The following MMRN1 variants were observed in gnomAD, a reference collection of about 807,000 sequenced individuals.
The protein encoded by MMRN1 is multimerin-1.
A neutral mutation model predicts 100.7 loss-of-function variants in MMRN1; 94 were observed. The ratio of observed to expected loss-of-function variants is 0.93; its 90% CI spans 0.79 to 1.11. MMRN1 has a LOEUF of 1.11. Among genes scored for constraint, MMRN1 ranks in the 50% least tolerant of loss-of-function variants. The probability of loss-of-function intolerance (pLI) is 0.00; values close to 1 mark genes in which losing one functional copy is unlikely to be tolerated. For missense variants in MMRN1, 1,606 were observed against 1,439.1 expected (o/e 1.12, Z -1.88); for synonymous variants, 575 against 505.0 (o/e 1.14, Z -1.86).
At chr4:89,940,384 A>T (rs141833379) in intron 6 of MMRN1, among the ~76,000 whole-genome samples, 171 of 152,268 alleles carry the variant, frequency 1.1e-3, no homozygotes, top group Middle Eastern at 0.01. Flanking sequence ...CCCAAGAAAG[A>T]TTACTTTCTA....
chr4:89,929,439 C>T (rs957597716), intron 5 of MMRN1, among the ~76,000 whole-genome samples: 5 of 152,046 alleles, frequency 3.3e-5, no homozygotes, highest in African/African-American at 1.2e-4. Context: ...TATGGCCCAA[C>T]CTTACCAATG....
chr4:89,892,156 G>A (rs1721068879), upstream of MMRN1, among the ~76,000 whole-genome samples: 1 of 151,240 alleles, frequency 6.6e-6, no homozygotes, highest in Admixed American at 6.6e-5. Flanking sequence ...CTATGTTTAT[G>A]ATACAATGAA....
intron 1 of MMRN1, among the ~76,000 whole-genome samples, chr4:89,908,171 T>C (rs1016113753): frequency 6.6e-6 from 1 of 151,332 alleles, no homozygotes; most frequent in Admixed American, 6.6e-5. Context: ...TGAAAATTGT[T>C]CCCAGGCACA....
chr4:89,932,697 G>A (rs1722480582), intron 5 of MMRN1, among the ~76,000 whole-genome samples: 1 of 152,124 alleles, frequency 6.6e-6, no homozygotes, highest in African/African-American at 2.4e-5. Flanking sequence ...CTATACATTG[G>A]TCCCTTTTAG....
chr4:89,936,698 A>T lies in MMRN1; in HGVS notation c.3018A>T (p.Ser1006=). 1 of 1,613,226 alleles carries T rather than the reference A, an allele frequency of 6.2e-7. No homozygotes were observed. Among genetic ancestry groups the T allele is most frequent in the South Asian group, 1.1e-5 (1 of 91,056 alleles). Residue 1006 remains serine, a synonymous_variant, in exon 6 of 8, where the codon TCA becomes TCT. Coordinates refer to ENST00000264790, the MANE Select transcript of MMRN1 (RefSeq NM_007351.3). ...TCAAGTCTCAGAAGCAAGTAAAATC[A>T]TTGCCAAAGAAAATTAACGCACTTA... is the stretch of plus-strand genomic sequence containing the variant. ...NVVKSQKQVK[S]LPKKINALKK...
intron 1 of MMRN1, among the ~76,000 whole-genome samples, chr4:89,903,972 A>C (rs1721475798): frequency 6.6e-6 from 1 of 150,474 alleles, no homozygotes; most frequent in Non-Finnish European, 1.5e-5. Flanking sequence ...AGTTAAAAGG[A>C]GAATAAAAAT....
rs200279149 is a variant in MMRN1 at position 89,935,381 on chromosome 4, G to T, written c.1701G>T (p.Leu567Phe). ...TGATGCTGCAAATGTTTGAAGATTT[G>T]CACATTCAAGAAAGCAAGATTAACA... ...SLMMLQMFED[L>F]HIQESKINNL... Residue 567 changes from leucine (L) to phenylalanine (F), a missense_variant, in exon 6 of 8, where the codon TTG becomes TTT. Physicochemically the swap from Leu to Phe is conservative, Grantham distance 22. Transcript: ENST00000264790. 1 of 1,613,300 alleles carries T rather than the reference G, an allele frequency of 6.2e-7. No individual in the cohort carries two copies. Among genetic ancestry groups the T allele is most frequent in the Non-Finnish European group, 8.5e-7 (1 of 1,179,688 alleles).
chr4:89,934,803 T>A lies in MMRN1; in HGVS notation c.1130-7T>A. The A allele has an allele frequency of 7.2e-7, 1 of 1,397,774 alleles. No individual in the cohort carries two copies. The highest frequency in any genetic ancestry group is 9.6e-7 in the Non-Finnish European group (1 of 1,045,764). The allele number at this position is 1,397,774 out of a possible 1,614,324, so 86.6% of individuals were successfully genotyped here. Reference sequence around the variant, plus strand: ...AACTATGTATTATTAATTATTTCTTTCTCTAGGTCTAAAATCCAAAAGCAT... The same window carrying A: ...AACTATGTATTATTAATTATTTCTTACTCTAGGTCTAAAATCCAAAAGCAT... On this transcript the variant is annotated splice_polypyrimidine_tract_variant and splice_region_variant and intron_variant, in intron 5 of 7. Coordinates refer to ENST00000264790, the MANE Select transcript of MMRN1 (RefSeq NM_007351.3).
chr4:89,923,977 G>A (rs1162255141), intron 4 of MMRN1, among the ~76,000 whole-genome samples: 2 of 152,132 alleles, frequency 1.3e-5, no homozygotes, highest in African/African-American at 4.8e-5. Flanking sequence ...TTTTTTAAGG[G>A]ATTGAAATTC....
Position 89,935,274 on chromosome 4 carries a change from G to T in MMRN1, c.1594G>T (p.Ala532Ser), listed in dbSNP as rs1722573933. The T allele has an allele frequency of 1.2e-6, 2 of 1,613,732 alleles. No homozygotes were observed. The highest frequency in any genetic ancestry group is 1.7e-6 in the Non-Finnish European group (2 of 1,179,788). Residue 532 changes from alanine (A) to serine (S), a missense_variant, in exon 6 of 8, where the codon GCT (alanine) becomes TCT (serine). By Grantham distance (99) the Ala-to-Ser change is moderately conservative. Coordinates refer to ENST00000264790, the MANE Select transcript of MMRN1 (RefSeq NM_007351.3). ...TGAACAGGTATCAGACCAGAAGAAT[G>T]CTCCAGCTGCTGAGTCAGTTAGCAA... ...STEQVSDQKN[A>S]PAAESVSNNV...
chr4:89,948,896 C>T (rs1723072401), intron 6 of MMRN1, among the ~76,000 whole-genome samples: 2 of 152,120 alleles, frequency 1.3e-5, no homozygotes, highest in South Asian at 4.2e-4. Context: ...AAGCTGTGTG[C>T]AGTCTCAAGA....
At chr4:89,944,217 C>T (rs1434780154) in intron 6 of MMRN1, among the ~76,000 whole-genome samples, 1 of 151,932 alleles carries the variant, frequency 6.6e-6, no homozygotes, top group Non-Finnish European at 1.5e-5. Flanking sequence ...TTAAATAGTG[C>T]CACACTAATT....
At chr4:89,893,097 A>T (rs1721091215), upstream of MMRN1, among the ~76,000 whole-genome samples, 1 of 152,008 alleles carries the variant, frequency 6.6e-6, no homozygotes, top group African/African-American at 2.4e-5. Flanking sequence ...TTCTACTGAA[A>T]ACCATGTTTG....
chr4:89,888,190 C>T (rs1018942946), intron 1 of MMRN1, among the ~76,000 whole-genome samples: 2 of 151,904 alleles, frequency 1.3e-5, no homozygotes, highest in African/African-American at 4.8e-5. Flanking sequence ...TTCTCTTTAG[C>T]GCAATGGGTT....
intron 6 of MMRN1, among the ~76,000 whole-genome samples, chr4:89,940,754 T>C (rs1217111393): frequency 6.6e-6 from 1 of 152,220 alleles, no homozygotes; most frequent in Non-Finnish European, 1.5e-5. Flanking sequence ...AAGTTATTAC[T>C]ATATGATGCA....
chr4:89,906,878 T>C (rs1009076078), intron 1 of MMRN1, among the ~76,000 whole-genome samples: 1 of 151,398 alleles, frequency 6.6e-6, no homozygotes, highest in Non-Finnish European at 1.5e-5. Flanking sequence ...GTCATGAGAT[T>C]GTTTTAATAT....
intron 5 of MMRN1, among the ~76,000 whole-genome samples, chr4:89,929,866 CA>C (rs1722381892): frequency 6.6e-6 from 1 of 152,062 alleles, no homozygotes; most frequent in African/African-American, 2.4e-5. Flanking sequence ...ACTTTACATC[CA>C]AGGTGAAAAA....
At chr4:89,921,501 A>ATTGCAT (rs1722087220) in intron 3 of MMRN1, among the ~76,000 whole-genome samples, 1 of 152,206 alleles carries the variant, frequency 6.6e-6, no homozygotes, top group Non-Finnish European at 1.5e-5. Context: ...TGCAATGATT[A>ATTGCAT]AATGGTTGTA....
chr4:89,891,625 C>T (rs150279022), upstream of MMRN1, among the ~76,000 whole-genome samples: 2 of 152,104 alleles, frequency 1.3e-5, no homozygotes, highest in East Asian at 3.9e-4. Context: ...CTTCTCCAGC[C>T]CTTTTGCTGT....
Sources: gnomAD v4.1 joint callset for allele counts (sites outside exome capture counted in the v4.1 genomes callset) on GRCh38, gnomAD v4.1.1 for gene constraint, MANE v1.5 for transcripts, NCBI Gene and HGNC (gene_info 2026-07-23, HGNC 2026-07-21) for gene names.